Variants in MAP3K1 observed in about 807,000 individuals in gnomAD.
MAP3K1 encodes the protein MAP/ERK kinase kinase 1.
A neutral mutation model predicts 144.2 loss-of-function variants in MAP3K1; 36 were observed. That is an observed-to-expected ratio of 0.25 (90% CI 0.19 to 0.33). MAP3K1 has a LOEUF of 0.33. Ranked by LOEUF, MAP3K1 falls within the 10% of genes least tolerant of loss-of-function variation. MAP3K1 has a pLI of 1.00. For missense variants in MAP3K1, 1,650 were observed against 1,881.9 expected (o/e 0.88, Z 2.28); for synonymous variants, 718 against 688.7 (o/e 1.04, Z -0.67).
Position 56,884,816 on chromosome 5 carries a change from A to G in MAP3K1, c.3972A>G (p.Glu1324=). ...CEKSNYNLFI[E]WMAGGSVAHL... ...AGAGCAATTACAATCTCTTCATTGAATGGATGGCAGGTATGTTAATGTTTT... is the reference window on the plus strand; with the variant it reads ...AGAGCAATTACAATCTCTTCATTGAGTGGATGGCAGGTATGTTAATGTTTT... The change falls in exon 16 of 20, where the codon GAA becomes GAG. Residue 1324 remains glutamate, a synonymous_variant. Transcript: ENST00000399503. The G allele has an allele frequency of 6.2e-7, 1 of 1,613,634 alleles. No individual in the cohort carries two copies. Among genetic ancestry groups the G allele is most frequent in the Non-Finnish European group, 8.5e-7 (1 of 1,179,708 alleles).
At chr5:56,816,864 A>C (rs981037984) in intron 1 of MAP3K1, among the ~76,000 whole-genome samples, 4 of 152,160 alleles carry the variant, frequency 2.6e-5, no homozygotes, top group Non-Finnish European at 5.9e-5. Context: ...TTGGAGTTTG[A>C]ATTTGGCCTT....
intron 1 of MAP3K1, among the ~76,000 whole-genome samples, chr5:56,820,205 A>T (rs1746112135): frequency 2.0e-5 from 3 of 152,042 alleles, no homozygotes; most frequent in African/African-American, 7.3e-5. Flanking sequence ...GCAGCCCCCT[A>T]AGATAGTGTA....
intron 11 of MAP3K1, 135 bp downstream of exon 11, chr5:56,879,236 A>C: frequency 8.1e-7 from 1 of 1,241,388 alleles, no homozygotes; most frequent in Non-Finnish European, 1.2e-6. Context: ...TGTGAGATTT[A>C]AAATGAAAAT....
At position 56,816,546 on chromosome 5, in the gene MAP3K1, A is replaced by G. The variant is rs1251532593; in HGVS notation, c.482+491A>G. Among the ~76,000 whole-genome samples, 8 of 151,954 alleles carry G rather than the reference A, an allele frequency of 5.3e-5. No individual in the cohort carries two copies. In the East Asian group the frequency reaches 1.6e-3, roughly 30 times the overall value. On this transcript the variant is annotated intron_variant, in intron 1 of 19. Transcript: ENST00000399503. Reference sequence around the variant, plus strand: ...CGAGGTCGGGTGGGAGACTGAGAGGACCGAAGAGAAAGTAGCAGGTCCCAG... The same window carrying G: ...CGAGGTCGGGTGGGAGACTGAGAGGGCCGAAGAGAAAGTAGCAGGTCCCAG...
At position 56,817,087 on chromosome 5, in the gene MAP3K1, C is replaced by T. The variant is rs142019712; in HGVS notation, c.482+1032C>T. On this transcript the variant is annotated intron_variant, in intron 1 of 19. Coordinates refer to ENST00000399503, the MANE Select transcript of MAP3K1 (RefSeq NM_005921.2). ...GTGGGCTTCGGCTCAGATGCGTCTT[C>T]TGGTGCATATGAAGTACAGTATGTG... 5.4e-4 allele frequency: 533 copies of T among 985,454 alleles called. 3 individuals carry two copies. In the African/African-American group the frequency reaches 7.1e-3, roughly 13 times the overall value. 61.0% of individuals were successfully genotyped at this position (985,454 alleles called of 1,614,324 possible). A position where few individuals can be genotyped will look rare whatever the true frequency, so the allele number is the denominator to read the frequency against.
intron 1 of MAP3K1, among the ~76,000 whole-genome samples, chr5:56,842,822 AT>A (rs1200449770): frequency 2.6e-5 from 4 of 152,298 alleles, no homozygotes; most frequent in Non-Finnish European, 5.9e-5. Context: ...AGATACTATT[AT>A]CCCCATTTTA....
At chr5:56,841,585 G>T (rs1413648425) in intron 1 of MAP3K1, among the ~76,000 whole-genome samples, 1 of 152,162 alleles carries the variant, frequency 6.6e-6, no homozygotes, top group Non-Finnish European at 1.5e-5. Flanking sequence ...AAAATTTTGG[G>T]AAGTACTCTC....
chr5:56,859,226 T>C (rs759909605), intron 2 of MAP3K1, among the ~76,000 whole-genome samples: 2 of 151,886 alleles, frequency 1.3e-5, no homozygotes, highest in Non-Finnish European at 2.9e-5. Flanking sequence ...GGGAAAATGA[T>C]TGCATAGTGA....
intron 1 of MAP3K1, among the ~76,000 whole-genome samples, chr5:56,846,839 C>T (rs1469726600): frequency 1.3e-5 from 2 of 152,186 alleles, no homozygotes; most frequent in African/African-American, 4.8e-5. Flanking sequence ...TTCTGTTCAT[C>T]TATTAACACA....
At chr5:56,884,332 G>A (rs1324937440) in intron 15 of MAP3K1, among the ~76,000 whole-genome samples, 1 of 152,070 alleles carries the variant, frequency 6.6e-6, no homozygotes, top group Non-Finnish European at 1.5e-5. Flanking sequence ...ATTATAACGA[G>A]CATACTTAAT....
chr5:56,835,368 G>A (rs1486135701), intron 1 of MAP3K1, among the ~76,000 whole-genome samples: 2 of 132,308 alleles, frequency 1.5e-5, no homozygotes, highest in East Asian at 4.3e-4. Flanking sequence ...AGGCAGGGAA[G>A]AGGAGACAGG....
At chr5:56,882,989 A>G in intron 14 of MAP3K1, 123 bp downstream of exon 14, 5 of 759,318 alleles carry the variant, frequency 6.6e-6, no homozygotes, top group Non-Finnish European at 1.1e-5. Context: ...AGGAGTTCGA[A>G]ACTAGCCTGG....
chr5:56,826,376 T>C (rs1286423127), intron 1 of MAP3K1, among the ~76,000 whole-genome samples: 1 of 152,194 alleles, frequency 6.6e-6, no homozygotes, highest in Admixed American at 6.5e-5. Flanking sequence ...ATTGTACATG[T>C]AGTCAGGTCT....
At chr5:56,823,830 AAG>A (rs1295270495) in intron 1 of MAP3K1, among the ~76,000 whole-genome samples, 1 of 152,206 alleles carries the variant, frequency 6.6e-6, no homozygotes, top group African/African-American at 2.4e-5. Flanking sequence ...TATAGGTAAG[AAG>A]AGTCTGCTAT....
chr5:56,835,075 A>G (rs1746606634), intron 1 of MAP3K1, among the ~76,000 whole-genome samples: 1 of 152,204 alleles, frequency 6.6e-6, no homozygotes, highest in Non-Finnish European at 1.5e-5. Flanking sequence ...ATGGCTTAGA[A>G]TCTGGCACAG....
intron 1 of MAP3K1, among the ~76,000 whole-genome samples, chr5:56,824,621 G>T (rs1390596790): frequency 6.6e-6 from 1 of 152,220 alleles, no homozygotes; most frequent in African/African-American, 2.4e-5. Flanking sequence ...TCAGTGAAGT[G>T]AAGTTGGAAA....
chr5:56,882,343 A>G lies in MAP3K1; in HGVS notation c.3143A>G (p.Gln1048Arg). Residue 1048 changes from glutamine to arginine, a missense_variant, in exon 14 of 20, where the codon CAG becomes CGG. Gln to Arg is a conservative substitution (Grantham distance 43). Around this residue, in one of 6 missense-constraint regions of MAP3K1, gnomAD observed 841 missense variants for 886.5 expected, o/e 0.95. Transcript: ENST00000399503. ...DSDKLSPVFT[Q>R]SRPLPSSNIH... is the part of the protein sequence containing the mutation. ...GATAAACTTTCCCCAGTCTTTACTC[A>G]GTCAAGACCCTTGCCCTCCAGTAAC... 6.2e-7 allele frequency: 1 copy of G among 1,614,196 alleles called. No individual in the cohort carries two copies. The highest frequency in any genetic ancestry group is 8.5e-7 in the Non-Finnish European group (1 of 1,180,038).
At chr5:56,848,013 A>T (rs1215040470) in intron 1 of MAP3K1, among the ~76,000 whole-genome samples, 2 of 152,216 alleles carry the variant, frequency 1.3e-5, no homozygotes, top group Non-Finnish European at 2.9e-5. Context: ...CTGTACAGTT[A>T]ATATACATTT....
Position 56,815,781 on chromosome 5 carries a change from CT to C in MAP3K1, c.209del (p.Leu70ArgfsTer115). ...RQLRKVRSVE[L>X]DQLPEQPLFL... ...GCTGCGCAAAGTGCGGAGTGTGGAGCTGGACCAGCTGCCTGAGCAGCCGCTC... is the reference window on the plus strand; with the variant it reads ...GCTGCGCAAAGTGCGGAGTGTGGAGCGGACCAGCTGCCTGAGCAGCCGCTC... On this transcript the variant is annotated frameshift_variant, in exon 1 of 20. Transcript: ENST00000399503. LOFTEE classifies it high-confidence loss of function. 7.0e-7 allele frequency: 1 copy of C among 1,419,590 alleles called. No homozygotes were observed. Among genetic ancestry groups the C allele is most frequent in the Non-Finnish European group, 9.2e-7 (1 of 1,083,546 alleles). The allele number at this position is 1,419,590 out of a possible 1,614,324, so 87.9% of individuals were successfully genotyped here.
Sources: allele counts gnomAD v4.1 joint callset (sites outside exome capture counted in the v4.1 genomes callset), GRCh38; gene constraint gnomAD v4.1.1; regional missense constraint gnomAD v4.1.1; transcripts MANE v1.5; gene names NCBI Gene and HGNC (gene_info 2026-07-23, HGNC 2026-07-21).